The following DPYD variants were observed in gnomAD, a reference collection of about 807,000 sequenced individuals.
DPYD encodes the protein dihydropyrimidine dehydrogenase [NADP(+)].
In DPYD, 109 loss-of-function variants were observed where a neutral mutation model predicts 116.2. The ratio of observed to expected loss-of-function variants is 0.94; its 90% CI spans 0.80 to 1.10. The LOEUF is 1.10. Among genes scored for constraint, DPYD ranks in the 50% least tolerant of loss-of-function variants. DPYD has a pLI of 0.00. For synonymous variants in DPYD, 440 were observed against 432.0 expected (o/e 1.02, Z -0.23); for missense variants, 1,302 against 1,254.5 (o/e 1.04, Z -0.57).
chr1:97,134,010 AAAAAATAT>A (rs1653556030), intron 20 of DPYD, among the ~76,000 whole-genome samples: 1 of 36,954 alleles, frequency 2.7e-5, no homozygotes, highest in Non-Finnish European at 4.6e-5. Context: ...AAAAAAAAAA[AAAAAATAT>A]ATATATATAT....
At chr1:97,864,566 C>A (rs1671278857) in intron 2 of DPYD, among the ~76,000 whole-genome samples, 1 of 151,530 alleles carries the variant, frequency 6.6e-6, no homozygotes, top group South Asian at 2.1e-4. Context: ...GATAATAAAT[C>A]TTGATAAGAG....
At chr1:97,371,506 C>T (rs1671311043) in intron 16 of DPYD, among the ~76,000 whole-genome samples, 1 of 152,156 alleles carries the variant, frequency 6.6e-6, no homozygotes, top group Non-Finnish European at 1.5e-5. Context: ...AAGGGAGAAG[C>T]AATGGGAATA....
chr1:97,847,843 T>G (rs1399936838), intron 2 of DPYD, among the ~76,000 whole-genome samples: 1 of 152,094 alleles, frequency 6.6e-6, no homozygotes, highest in Non-Finnish European at 1.5e-5. Flanking sequence ...AGGAAAAGAT[T>G]CTCAGAATCA....
In DPYD at chr1:97,322,420, A is replaced by G. The variant is rs151253641; in HGVS notation, c.2059-16123T>C. ...TTGAGGTAAATACTCAAAACTAAAT[A>G]CTAAAGGAAATAATAATACTAAGGA... On this transcript the variant is annotated intron_variant, in intron 16 of 22. Transcript: ENST00000370192. Among the ~76,000 whole-genome samples the G allele has an allele frequency of 3.1e-3, 471 of 152,056 alleles. 1 individual carries two copies. Among genetic ancestry groups the G allele is most frequent in the Middle Eastern group, 6.8e-3 (2 of 294 alleles).
chr1:97,827,913 T>G (rs991348618), intron 3 of DPYD, among the ~76,000 whole-genome samples: 2 of 152,184 alleles, frequency 1.3e-5, no homozygotes, highest in African/African-American at 4.8e-5. Context: ...AACATTTACA[T>G]TTTTTACTGT....
intron 13 of DPYD, among the ~76,000 whole-genome samples, chr1:97,492,988 G>A (rs568815517): frequency 7.6e-4 from 115 of 152,264 alleles, no homozygotes; most frequent in African/African-American, 1.4e-3. Context: ...GCACTAAGCC[G>A]AAGAGATGCA....
intron 18 of DPYD, among the ~76,000 whole-genome samples, chr1:97,285,941 G>A (rs575918889): frequency 6.6e-6 from 1 of 152,174 alleles, no homozygotes; most frequent in South Asian, 2.1e-4. Flanking sequence ...ATATTGTTAT[G>A]TGTGAATTTG....
At chr1:97,857,507 A>G (rs1670903524) in intron 2 of DPYD, among the ~76,000 whole-genome samples, 1 of 152,162 alleles carries the variant, frequency 6.6e-6, no homozygotes, top group Admixed American at 6.5e-5. Flanking sequence ...AGTCACGCCT[A>G]TGTAATGAAG....
chr1:97,484,849 T>C (rs1352142895), intron 13 of DPYD, among the ~76,000 whole-genome samples: 1 of 152,236 alleles, frequency 6.6e-6, no homozygotes, highest in East Asian at 1.9e-4. Context: ...TAGTATATTG[T>C]ACTGTTTCTC....
intron 7 of DPYD, among the ~76,000 whole-genome samples, chr1:97,686,660 A>G (rs1318203330): frequency 6.7e-6 from 1 of 148,978 alleles, no homozygotes; most frequent in Admixed American, 6.7e-5. Context: ...AAAAAAAAAA[A>G]AAAAGACTTA....
intron 18 of DPYD, among the ~76,000 whole-genome samples, chr1:97,256,721 A>G (rs553777283): frequency 7.9e-5 from 12 of 151,916 alleles, no homozygotes; most frequent in Non-Finnish European, 1.5e-4. Context: ...TTTCTCTAAC[A>G]TCTCTTCTTT....
chr1:97,613,327 T>G (rs2786503), intron 8 of DPYD, among the ~76,000 whole-genome samples: 22,828 of 152,018 alleles, frequency 0.15, 1,920 homozygotes, highest in African/African-American at 0.2. Context: ...ATTTCCTTTA[T>G]CACACTCTTT....
At chr1:97,117,329 T>C (rs1652055855) in intron 20 of DPYD, among the ~76,000 whole-genome samples, 1 of 152,228 alleles carries the variant, frequency 6.6e-6, no homozygotes, top group Non-Finnish European at 1.5e-5. Flanking sequence ...TGTGAACGTA[T>C]GGATGAAGAA....
At chr1:97,719,891 T>G in intron 5 of DPYD, 1 of 985,116 alleles carries the variant, frequency 1.0e-6, no homozygotes, top group Non-Finnish European at 1.2e-6. Context: ...ATGCATCTAC[T>G]GCAGTCCTAA....
Position 97,193,607 on chromosome 1 carries a change from T to C in DPYD, c.2443-359A>G, listed in dbSNP as rs139881688. Among the ~76,000 whole-genome samples, 55 of 152,298 alleles carry C rather than the reference T, an allele frequency of 3.6e-4. 1 individual carries two copies. In the East Asian group the frequency reaches 0.01, roughly 29 times the overall value. The stretch of plus-strand genomic sequence containing the variant: ...ATAAAGGACATTTAAATTCTCATTG[T>C]CACTCTATTGGGATGTGCTGCCTGC... On this transcript the variant is annotated intron_variant, in intron 19 of 22. Transcript: ENST00000370192.
rs149514908 is a variant in DPYD, at chr1:97,889,494, T to C, written c.40-6120A>G. On this transcript the variant is annotated intron_variant, in intron 1 of 22. Transcript: ENST00000370192. The stretch of plus-strand genomic sequence containing the variant: ...ATACTAATATCAGAACAACAAACTT[T>C]TAAAGAAACAAAAAAATTTACTAGA... Among the ~76,000 whole-genome samples the C allele has an allele frequency of 9.5e-4, 144 of 152,032 alleles. 2 individuals carry two copies. The highest frequency in any genetic ancestry group is 2.3e-3 in the Admixed American group (35 of 15,260).
chr1:97,733,818 G>C (rs577294765), intron 4 of DPYD, among the ~76,000 whole-genome samples: 1 of 151,726 alleles, frequency 6.6e-6, no homozygotes. Flanking sequence ...GTAACACAGG[G>C]GTTTACTTTT....
intron 20 of DPYD, among the ~76,000 whole-genome samples, chr1:97,189,218 C>T (rs191335240): frequency 1.2e-4 from 18 of 152,162 alleles, no homozygotes; most frequent in African/African-American, 4.1e-4. Flanking sequence ...AATACAACTG[C>T]GATGTGATAC....
rs1028754249 is a variant in DPYD at position 97,637,899 on chromosome 1, C to G, written c.850+41196G>C. ...GGAATAGAGAACAGATAAACCAAGA[C>G]CTTTTGTTGACAAGGTCTCTTTTGC... is the stretch of plus-strand genomic sequence containing the variant. On this transcript the variant is annotated intron_variant, in intron 8 of 22. Transcript: ENST00000370192. Among the ~76,000 whole-genome samples, 6 of 152,090 alleles carry G rather than the reference C, an allele frequency of 3.9e-5. 1 individual carries two copies. Among genetic ancestry groups the G allele is most frequent in the Admixed American group, 3.9e-4 (6 of 15,258 alleles).
Sources: gnomAD v4.1 joint callset for allele counts (sites outside exome capture counted in the v4.1 genomes callset) on GRCh38, gnomAD v4.1.1 for gene constraint, MANE v1.5 for transcripts, NCBI Gene and HGNC (gene_info 2026-07-23, HGNC 2026-07-21) for gene names.